Variants in MROH2A observed in about 807,000 individuals in gnomAD.
MROH2A encodes the protein maestro heat-like repeat-containing protein family member 2A.
In MROH2A, 174 loss-of-function variants were observed where a neutral mutation model predicts 200.4. The observed-to-expected ratio is 0.87, with a 90% CI of 0.77 to 0.98. The LOEUF (loss-of-function observed/expected upper bound fraction) is 0.98. Among genes scored for constraint, MROH2A ranks in the 50% least tolerant of loss-of-function variants. The pLI is 0.00. For missense variants in MROH2A, 2,045 were observed against 2,139.6 expected (o/e 0.96, Z 0.87); for synonymous variants, 829 against 840.4 (o/e 0.99, Z 0.23).
intron 22 of MROH2A, among the ~76,000 whole-genome samples, chr2:233,810,210 G>A (rs1311011732): frequency 1.3e-5 from 2 of 152,164 alleles, no homozygotes; most frequent in South Asian, 2.1e-4. Flanking sequence ...GTATTAGTTC[G>A]TGTTAACGCT....
chr2:233,807,619 A>G lies in MROH2A; in HGVS notation c.2172+77A>G. 6.5e-7 allele frequency: 1 copy of G among 1,542,206 alleles called. No homozygotes were observed. The highest frequency in any genetic ancestry group is 8.8e-7 in the Non-Finnish European group (1 of 1,142,204). ...GGGACATGTGTGTTCATGTGGCTGC[A>G]TGCGTTTTGTGTGTGTGTGTGTACA... is the stretch of plus-strand genomic sequence containing the variant. On this transcript the variant is annotated intron_variant, in intron 20 of 41. Transcript: ENST00000389758. This position sits in a 1 kb window ranked among gnomAD's most constrained non-coding sequence, Gnocchi z 4.3.
At chr2:233,797,002 C>T (rs1368570750) in intron 11 of MROH2A, among the ~76,000 whole-genome samples, 1 of 152,180 alleles carries the variant, frequency 6.6e-6, no homozygotes, top group East Asian at 1.9e-4. Context: ...TAGAGTTCAC[C>T]TGGTCATTTT....
Position 233,819,477 on chromosome 2 carries a change from A to T in MROH2A, c.3357+8A>T. Reference sequence around the variant, plus strand: ...AAGGAGCTGGAGGACAAGGTGGCAGAGCCGCGGCAGGGCCACCAGAGAGAG... The same window carrying T: ...AAGGAGCTGGAGGACAAGGTGGCAGTGCCGCGGCAGGGCCACCAGAGAGAG... On this transcript the variant is annotated splice_region_variant and intron_variant, in intron 30 of 41. Transcript: ENST00000389758. 6.5e-7 allele frequency: 1 copy of T among 1,549,176 alleles called. No homozygotes were observed. Among genetic ancestry groups the T allele is most frequent in the Non-Finnish European group, 8.7e-7 (1 of 1,146,488 alleles).
intron 14 of MROH2A, among the ~76,000 whole-genome samples, chr2:233,800,967 T>G (rs56148057): frequency 0.22 from 33,942 of 151,924 alleles, 3,946 homozygotes; most frequent in East Asian, 0.31. Flanking sequence ...ATAATAATCA[T>G]CATCATCATC....
chr2:233,829,826 G>A (rs582432), intron 38 of MROH2A, 51 bp downstream of exon 38: 699,655 of 1,278,448 alleles, frequency 0.55, 195,826 homozygotes, highest in African/African-American at 0.85. Context: ...GCTGTTCCCC[G>A]AGGAAACAGG....
chr2:233,832,382 A>AG (rs5839496), intron 40 of MROH2A, 103 bp downstream of exon 40: 565,348 of 1,102,098 alleles, frequency 0.51, 147,444 homozygotes, highest in African/African-American at 0.61. Context: ...GGCATGTGGC[A>AG]AGCTGAGACC....
In MROH2A at chr2:233,802,212, C is replaced by T. The variant is rs1002053952; in HGVS notation, c.1605C>T (p.Tyr535=). The change falls in exon 15 of 42, where the codon TAC becomes TAT. Residue 535 remains tyrosine (Y), a synonymous_variant. Transcript: ENST00000389758. The part of the protein sequence containing the change: ...RLLCYIMETD[Y]VEALTPICIS... ...TGTGCTACATCATGGAGACAGACTACGTGGAAGCTTTGACTCCTATCTGTA... is the reference window on the plus strand; with the variant it reads ...TGTGCTACATCATGGAGACAGACTATGTGGAAGCTTTGACTCCTATCTGTA... 20 of 1,550,266 alleles carry T rather than the reference C, an allele frequency of 1.3e-5. No homozygotes were observed. In the African/African-American group the frequency reaches 2.1e-4, roughly 16 times the overall value.
At chr2:233,795,230 G>A (rs147265830) in intron 8 of MROH2A, among the ~76,000 whole-genome samples, 15 of 152,342 alleles carry the variant, frequency 9.8e-5, no homozygotes, top group African/African-American at 2.9e-4. Context: ...GCAGTGTTCC[G>A]CGTGGAGCTG....
rs984194186 is a variant in MROH2A at position 233,793,025 on chromosome 2, T to G, written c.670+131T>G. 27 of 919,274 alleles carry G rather than the reference T, an allele frequency of 2.9e-5. No individual in the cohort carries two copies. In the African/African-American group the frequency reaches 4.2e-4, roughly 14 times the overall value. The allele number at this position is 919,274 out of a possible 1,614,324, so 56.9% of individuals were successfully genotyped here. On this transcript the variant is annotated intron_variant, in intron 6 of 41. Coordinates refer to ENST00000389758, the MANE Select transcript of MROH2A (RefSeq NM_001394639.1). ...TCACTTGTTCTCCAAAGGAGTTTGC[T>G]TAATCTTTTACTTCGTGTGGCCTCT...
chr2:233,803,364 G>A, intron 15 of MROH2A, 84 bp from the exon 16 acceptor site: 1 of 1,445,550 alleles, frequency 6.9e-7, no homozygotes, highest in Non-Finnish European at 9.5e-7. Flanking sequence ...AACCTTCTAG[G>A]GTAAAGTTCC....
At chr2:233,790,401 T>G in intron 5 of MROH2A, among the ~76,000 whole-genome samples, 1 of 107,368 alleles carries the variant, frequency 9.3e-6, no homozygotes, top group South Asian at 4.0e-4. Flanking sequence ...CCTTCCTCCA[T>G]CCCACCCTTC....
In MROH2A at chr2:233,799,853, G is replaced by A. The variant is rs1422241677; in HGVS notation, c.1403G>A (p.Gly468Asp). The A allele has an allele frequency of 1.9e-6, 3 of 1,550,554 alleles. No homozygotes were observed. Among genetic ancestry groups the A allele is most frequent in the South Asian group, 1.2e-5 (1 of 84,060 alleles). Residue 468 changes from glycine (G) to aspartate (D), a missense_variant, in exon 13 of 42, where the codon GGC becomes GAC. Physicochemically the swap from Gly to Asp is moderately conservative, Grantham distance 94. Around this residue, in one of 3 missense-constraint regions of MROH2A, gnomAD observed 831 missense variants for 800.0 expected, o/e 1.04. Transcript: ENST00000389758. ...CGYQERIKGW[G>D]LKYLSVQLTL... ...TACCAGGAGAGAATCAAAGGCTGGGGCCTGAAGTACCTGTCTGTGCAGCTG... is the reference window on the plus strand; with the variant it reads ...TACCAGGAGAGAATCAAAGGCTGGGACCTGAAGTACCTGTCTGTGCAGCTG...
In MROH2A at chr2:233,819,447, G is replaced by A. The variant is rs746480955; in HGVS notation, c.3335G>A (p.Arg1112Gln). ...TGGATAGCCTTCTTCCTCCAGATGC[G>A]GGCCAAGGAGCTGGAGGACAAGGTG... The part of the protein sequence containing the change: ...VTWIAFFLQM[R>Q]AKELEDKVAE... Residue 1112 changes from arginine to glutamine, a missense_variant, in exon 30 of 42, where the codon CGG (arginine) becomes CAG (glutamine). This residue lies in a region of MROH2A where 1,201 missense variants were observed against 1,311.3 expected (regional missense o/e 0.92). Transcript: ENST00000389758. 19 of 1,550,284 alleles carry A rather than the reference G, an allele frequency of 1.2e-5. No individual in the cohort carries two copies. In the African/African-American group the frequency reaches 1.6e-4, roughly 13 times the overall value.
intron 12 of MROH2A, 81 bp from the exon 13 acceptor site, chr2:233,799,699 T>C: frequency 6.6e-7 from 1 of 1,522,134 alleles, no homozygotes; most frequent in Non-Finnish European, 8.9e-7. Context: ...GCACCCCCAA[T>C]TCCTAGCTCT....
chr2:233,795,644 C>G lies in MROH2A; in HGVS notation c.967-9C>G, dbSNP rs1234563264. On this transcript the variant is annotated splice_polypyrimidine_tract_variant and intron_variant, in intron 8 of 41. Coordinates refer to ENST00000389758, the MANE Select transcript of MROH2A (RefSeq NM_001394639.1). ...AGGTCACCTGCCACCATTTGCCAAT[C>G]CACTGCAGGTCTTGAGGCAGATCCT... 20 of 1,550,916 alleles carry G rather than the reference C, an allele frequency of 1.3e-5. No individual in the cohort carries two copies. Among genetic ancestry groups the G allele is most frequent in the Non-Finnish European group, 1.7e-5 (20 of 1,147,084 alleles).
chr2:233,806,363 A>G (rs1702791084), intron 19 of MROH2A, among the ~76,000 whole-genome samples: 2 of 152,188 alleles, frequency 1.3e-5, no homozygotes, highest in African/African-American at 4.8e-5. Flanking sequence ...ATCTCCAAAA[A>G]CAATAATATT....
intron 8 of MROH2A, 158 bp from the exon 9 acceptor site, chr2:233,795,495 C>T: frequency 8.6e-7 from 1 of 1,165,284 alleles, no homozygotes; most frequent in Non-Finnish European, 1.2e-6. Flanking sequence ...GGCTTGGATT[C>T]AGCAGGACTG....
At position 233,795,751 on chromosome 2, in the gene MROH2A, G is replaced by T; in HGVS notation, c.1059+6G>T. ...TCACAGAACTGCACGTCCAGGTGAG[G>T]CCAGCAAGCTCAGCTGGACAAGGGC... is the stretch of plus-strand genomic sequence containing the variant. On this transcript the variant is annotated splice_donor_region_variant and intron_variant, in intron 9 of 41. Transcript: ENST00000389758. 2 of 1,551,020 alleles carry T rather than the reference G, an allele frequency of 1.3e-6. No individual in the cohort carries two copies. Among genetic ancestry groups the T allele is most frequent in the Non-Finnish European group, 1.7e-6 (2 of 1,147,098 alleles).
At chr2:233,803,510 T>A (rs765005896) in intron 16 of MROH2A, 22 bp downstream of exon 16, 7 of 1,549,846 alleles carry the variant, frequency 4.5e-6, no homozygotes. Flanking sequence ...ACCTGCACCA[T>A]GCCCTGGCCT....
Sources: gnomAD v4.1 joint callset for allele counts (sites outside exome capture counted in the v4.1 genomes callset) on GRCh38, gnomAD v4.1.1 for gene constraint, gnomAD v4.1.1 regional missense constraint, Gnocchi (gnomAD v3.1) non-coding constraint, MANE v1.5 for transcripts, NCBI Gene and HGNC (gene_info 2026-07-23, HGNC 2026-07-21) for gene names.